Variants in CDH9 observed in about 807,000 individuals in gnomAD.
CDH9 encodes cadherin-9.
Under a neutral mutation model 70.9 loss-of-function variants are expected in CDH9, and 28 were observed. The ratio of observed to expected loss-of-function variants is 0.40; its 90% confidence interval spans 0.29 to 0.54. The LOEUF is 0.54. Ranked by LOEUF, CDH9 falls within the 20% of genes least tolerant of loss-of-function variation. CDH9 has a pLI of 0.59. For synonymous variants in CDH9, 409 were observed against 343.1 expected (o/e 1.19, Z -2.12); for missense variants, 874 against 984.4 (o/e 0.89, Z 1.50).
chr5:26,945,458 G>A, intron 2 of CDH9, among the ~76,000 whole-genome samples: 1 of 151,864 alleles, frequency 6.6e-6, no homozygotes, highest in Admixed American at 6.6e-5. Context: ...TATACATCTG[G>A]CTATTACCTT....
intron 1 of CDH9, among the ~76,000 whole-genome samples, chr5:27,014,970 G>A (rs1579513714): frequency 6.6e-6 from 1 of 151,870 alleles, no homozygotes; most frequent in African/African-American, 2.4e-5. Context: ...CGGACCAAAA[G>A]TTAAAGTGAC....
chr5:26,982,197 A>T (rs936279206), intron 2 of CDH9, among the ~76,000 whole-genome samples: 1 of 150,868 alleles, frequency 6.6e-6, no homozygotes, highest in African/African-American at 2.4e-5. Context: ...AGTTTAGAAG[A>T]TGAGTTGGAA....
At chr5:26,917,594 T>C (rs1162616604) in intron 2 of CDH9, among the ~76,000 whole-genome samples, 2 of 152,102 alleles carry the variant, frequency 1.3e-5, no homozygotes, top group African/African-American at 4.8e-5. Context: ...ATTAGAAATG[T>C]TTCACATTTT....
At chr5:26,918,776 T>C (rs1741192614) in intron 2 of CDH9, among the ~76,000 whole-genome samples, 1 of 152,212 alleles carries the variant, frequency 6.6e-6, no homozygotes, top group Admixed American at 6.5e-5. Context: ...TGGAACTCAA[T>C]ACCATATATT....
chr5:26,998,289 C>T (rs1009804500), intron 1 of CDH9, among the ~76,000 whole-genome samples: 3 of 152,144 alleles, frequency 2.0e-5, no homozygotes, highest in South Asian at 2.1e-4. Flanking sequence ...CTGATGTTTA[C>T]TGTGGCACTA....
intron 1 of CDH9, among the ~76,000 whole-genome samples, chr5:27,002,544 G>C (rs1158713459): frequency 2.6e-5 from 4 of 152,094 alleles, no homozygotes; most frequent in Non-Finnish European, 5.9e-5. Context: ...TGATAGACTG[G>C]ATTAAGAAAA....
At chr5:26,987,248 G>A (rs754255014) in intron 2 of CDH9, among the ~76,000 whole-genome samples, 2 of 151,796 alleles carry the variant, frequency 1.3e-5, no homozygotes, top group Non-Finnish European at 2.9e-5. Context: ...TAGACTGCAA[G>A]TATTTAAAAT....
chr5:26,918,887 T>A (rs774921358), intron 2 of CDH9, among the ~76,000 whole-genome samples: 2 of 152,204 alleles, frequency 1.3e-5, no homozygotes, highest in Non-Finnish European at 2.9e-5. Context: ...CTGGCCTCCA[T>A]AATCTTGAGA....
At chr5:27,024,455 T>C (rs944200843) in intron 1 of CDH9, among the ~76,000 whole-genome samples, 2 of 152,092 alleles carry the variant, frequency 1.3e-5, no homozygotes, top group African/African-American at 4.8e-5. Context: ...GGTATAATTA[T>C]GTTTTGTTTT....
At chr5:26,992,935 A>G (rs1742601633) in intron 1 of CDH9, among the ~76,000 whole-genome samples, 1 of 152,054 alleles carries the variant, frequency 6.6e-6, no homozygotes, top group Non-Finnish European at 1.5e-5. Context: ...TGTCTCTACT[A>G]AAAATACAAA....
In CDH9 at chr5:27,020,277, A is replaced by G. The variant is rs1452926805; in HGVS notation, c.-50+18186T>C. On this transcript the variant is annotated intron_variant, in intron 1 of 11. Transcript: ENST00000231021. ...GTAAGGGTTAAGCAAATACACTTAAACAGCTTAAAAATAAAAATGAAAATA... is the reference window on the plus strand; with the variant it reads ...GTAAGGGTTAAGCAAATACACTTAAGCAGCTTAAAAATAAAAATGAAAATA... 2.0e-5 allele frequency among the ~76,000 whole-genome samples: 3 copies of G among 151,744 alleles called. No individual in the cohort carries two copies. The East Asian group carries it at 5.8e-4, about 29-fold the overall frequency.
At chr5:26,949,556 G>T (rs1021339025) in intron 2 of CDH9, among the ~76,000 whole-genome samples, 1 of 152,138 alleles carries the variant, frequency 6.6e-6, no homozygotes, top group African/African-American at 2.4e-5. Flanking sequence ...GAAACTTCAG[G>T]ACTTGTTATT....
chr5:26,994,879 C>A (rs897758076), intron 1 of CDH9, among the ~76,000 whole-genome samples: 1 of 152,140 alleles, frequency 6.6e-6, no homozygotes, highest in African/African-American at 2.4e-5. Context: ...CTGCATCTAT[C>A]TTATCTCGCT....
At chr5:27,023,914 T>C (rs1743180774) in intron 1 of CDH9, among the ~76,000 whole-genome samples, 1 of 151,834 alleles carries the variant, frequency 6.6e-6, no homozygotes, top group Non-Finnish European at 1.5e-5. Flanking sequence ...TAGCTGGGCA[T>C]GGTGGTGGGC....
rs536388395 is a variant in CDH9, at chr5:26,944,013, G to T, written c.229-28089C>A. On this transcript the variant is annotated intron_variant, in intron 2 of 11. Coordinates refer to ENST00000231021, the MANE Select transcript of CDH9 (RefSeq NM_016279.4). ...CTAATTATTCTAATTCACAACAATTGCATTCTCTCATTCTTATTGATCATA... is the reference window on the plus strand; with the variant it reads ...CTAATTATTCTAATTCACAACAATTTCATTCTCTCATTCTTATTGATCATA... Among the ~76,000 whole-genome samples the T allele has an allele frequency of 5.9e-5, 9 of 152,106 alleles. No individual in the cohort carries two copies. In the East Asian group the frequency reaches 1.5e-3, roughly 26 times the overall value.
At chr5:27,025,565 A>G (rs542073166) in intron 1 of CDH9, among the ~76,000 whole-genome samples, 2 of 152,196 alleles carry the variant, frequency 1.3e-5, no homozygotes, top group African/African-American at 4.8e-5. Context: ...AGCAATAGAC[A>G]AAGTGCTAAC....
chr5:27,035,051 T>C (rs1009485534), intron 1 of CDH9, among the ~76,000 whole-genome samples: 1 of 151,238 alleles, frequency 6.6e-6, no homozygotes, highest in Non-Finnish European at 1.5e-5. Context: ...TAATCTATCA[T>C]CTATGTATTT....
intron 2 of CDH9, among the ~76,000 whole-genome samples, chr5:26,944,430 C>G (rs778148827): frequency 6.6e-6 from 1 of 152,108 alleles, no homozygotes; most frequent in Admixed American, 6.5e-5. Context: ...GCAAGAGGAT[C>G]GCTTGAGTCC....
chr5:26,892,527 T>C (rs1740677996), intron 7 of CDH9, among the ~76,000 whole-genome samples: 1 of 152,212 alleles, frequency 6.6e-6, no homozygotes, highest in Non-Finnish European at 1.5e-5. Flanking sequence ...AATCAGCCTC[T>C]GCTGTAGTCC....
Sources: gnomAD v4.1 joint callset for allele counts (sites outside exome capture counted in the v4.1 genomes callset) on GRCh38, gnomAD v4.1.1 for gene constraint, MANE v1.5 for transcripts, NCBI Gene and HGNC (gene_info 2026-07-23, HGNC 2026-07-21) for gene names.